The following NRXN3 variants were observed in gnomAD, a reference collection of about 807,000 sequenced individuals.
The protein encoded by NRXN3 is neurexin 3, also known as neurexin III.
Under a neutral mutation model 137.6 loss-of-function variants are expected in NRXN3, and 32 were observed. That is an observed-to-expected ratio of 0.23 (90% CI 0.18 to 0.31). The LOEUF (loss-of-function observed/expected upper bound fraction) is 0.31, where lower values mean the gene tolerates loss of function less well. Ranked by LOEUF, NRXN3 falls within the 10% of genes least tolerant of loss-of-function variation. The probability of loss-of-function intolerance (pLI) is 1.00; values close to 1 mark genes in which losing one functional copy is unlikely to be tolerated. For synonymous variants in NRXN3, 798 were observed against 784.5 expected (o/e 1.02, Z -0.29); for missense variants, 1,574 against 2,062.5 (o/e 0.76, Z 4.59).
At chr14:78,364,569 A>G (rs1056000737) in intron 4 of NRXN3, among the ~76,000 whole-genome samples, 2 of 152,138 alleles carry the variant, frequency 1.3e-5, no homozygotes, top group African/African-American at 4.8e-5. Context: ...AGATGTATAC[A>G]TGTGTCAGAT....
At chr14:78,551,601 T>G (rs1387943102) in intron 4 of NRXN3, among the ~76,000 whole-genome samples, 1 of 151,222 alleles carries the variant, frequency 6.6e-6, no homozygotes, top group Non-Finnish European at 1.5e-5. Flanking sequence ...TTTCCCTTCC[T>G]TTATTTCTTC....
chr14:78,879,525 G>A (rs775756404), intron 10 of NRXN3, among the ~76,000 whole-genome samples: 23 of 152,290 alleles, frequency 1.5e-4, no homozygotes, highest in Middle Eastern at 6.8e-3. Flanking sequence ...ATGTCTCCCT[G>A]TAGGAAATGT....
chr14:79,534,241 G>A (rs1272371460), intron 16 of NRXN3, among the ~76,000 whole-genome samples: 2 of 152,150 alleles, frequency 1.3e-5, no homozygotes, highest in Non-Finnish European at 2.9e-5. Context: ...GGTATACTTG[G>A]TTTAGCTGCC....
At chr14:79,490,463 C>T (rs2096705901) in intron 16 of NRXN3, among the ~76,000 whole-genome samples, 1 of 152,074 alleles carries the variant, frequency 6.6e-6, no homozygotes, top group Non-Finnish European at 1.5e-5. Context: ...TACATATACA[C>T]AATGGAGTAC....
At chr14:78,635,542 G>C (rs61976134) in intron 4 of NRXN3, among the ~76,000 whole-genome samples, 11,633 of 152,084 alleles carry the variant, frequency 0.076, 537 homozygotes, top group Middle Eastern at 0.15. Context: ...TTGTTTGTAT[G>C]AAAATTATAC....
At chr14:79,056,550 A>C (rs757036907) in intron 15 of NRXN3, among the ~76,000 whole-genome samples, 2 of 152,184 alleles carry the variant, frequency 1.3e-5, no homozygotes, top group East Asian at 3.8e-4. Flanking sequence ...GGTTCAGAGG[A>C]GTTATTAATT....
intron 19 of NRXN3, among the ~76,000 whole-genome samples, chr14:79,783,702 A>T (rs2099120861): frequency 6.6e-6 from 1 of 152,214 alleles, no homozygotes; most frequent in Non-Finnish European, 1.5e-5. Context: ...TTTATTATGT[A>T]AAATTCTGAT....
At chr14:78,452,386 A>G (rs2094572267) in intron 4 of NRXN3, among the ~76,000 whole-genome samples, 1 of 152,168 alleles carries the variant, frequency 6.6e-6, no homozygotes, top group Non-Finnish European at 1.5e-5. Context: ...ATGTCTGGCT[A>G]TTATTATCAC....
At chr14:78,774,657 C>T (rs1014949122) in intron 8 of NRXN3, among the ~76,000 whole-genome samples, 1 of 152,118 alleles carries the variant, frequency 6.6e-6, no homozygotes, top group African/African-American at 2.4e-5. Flanking sequence ...GTGCCTTGCC[C>T]CTATAATCCC....
chr14:79,175,009 C>T (rs1437192519), intron 15 of NRXN3, among the ~76,000 whole-genome samples: 3 of 140,414 alleles, frequency 2.1e-5, no homozygotes, highest in African/African-American at 5.4e-5. Context: ...GAGGCGGAGT[C>T]TCTCTCTGTT....
intron 4 of NRXN3, among the ~76,000 whole-genome samples, chr14:78,597,259 G>T (rs1192471109): frequency 6.6e-6 from 1 of 152,072 alleles, no homozygotes; most frequent in African/African-American, 2.4e-5. Context: ...ATGTAGATGA[G>T]CTCCCTAAAT....
chr14:79,250,798 A>G (rs1036298677), intron 15 of NRXN3, among the ~76,000 whole-genome samples: 1 of 152,228 alleles, frequency 6.6e-6, no homozygotes, highest in African/African-American at 2.4e-5. Flanking sequence ...ATCCAATTTC[A>G]TGCAGTGGTG....
chr14:79,623,778 G>C (rs1364461118), intron 16 of NRXN3, among the ~76,000 whole-genome samples: 1 of 143,268 alleles, frequency 7.0e-6, no homozygotes, highest in Non-Finnish European at 1.5e-5. Flanking sequence ...CTCATAATTT[G>C]TTTCACTTAG....
chr14:78,346,664 TTGCACTGTTAC>T (rs1453458905), intron 4 of NRXN3, among the ~76,000 whole-genome samples: 1 of 152,178 alleles, frequency 6.6e-6, no homozygotes, highest in Non-Finnish European at 1.5e-5. Flanking sequence ...CAGGGGAGCC[TTGCACTGTTAC>T]TGCACTGTCT....
intron 15 of NRXN3, among the ~76,000 whole-genome samples, chr14:79,463,412 A>G (rs2096378735): frequency 6.6e-6 from 1 of 152,076 alleles, no homozygotes; most frequent in African/African-American, 2.4e-5. Context: ...CAGCTCCATC[A>G]CAGTAAGTAG....
intron 16 of NRXN3, among the ~76,000 whole-genome samples, chr14:79,511,275 G>A (rs1250836415): frequency 6.6e-6 from 1 of 152,186 alleles, no homozygotes; most frequent in Non-Finnish European, 1.5e-5. Flanking sequence ...TCTAAGGAAA[G>A]CACTATAGGA....
At chr14:79,363,047 G>T (rs1295157154) in intron 15 of NRXN3, among the ~76,000 whole-genome samples, 1 of 151,084 alleles carries the variant, frequency 6.6e-6, no homozygotes, top group Non-Finnish European at 1.5e-5. Context: ...ACCCAGGCTG[G>T]AGTAGTGCAA....
intron 10 of NRXN3, among the ~76,000 whole-genome samples, chr14:78,898,666 C>T (rs1226117410): frequency 3.4e-5 from 5 of 146,822 alleles, no homozygotes; most frequent in African/African-American, 1.0e-4. Context: ...CTCTATATTC[C>T]ATCTCTACTT....
chr14:78,339,854 G>A (rs916777323), intron 4 of NRXN3, among the ~76,000 whole-genome samples: 4 of 152,138 alleles, frequency 2.6e-5, no homozygotes, highest in African/African-American at 7.2e-5. Context: ...GAAGAAGTAC[G>A]TCTCAGGTCA....
Sources: gnomAD v4.1 joint callset for allele counts (sites outside exome capture counted in the v4.1 genomes callset) on GRCh38, gnomAD v4.1.1 for gene constraint, MANE v1.5 for transcripts, NCBI Gene and HGNC (gene_info 2026-07-23, HGNC 2026-07-21) for gene names.